PALMD: variants seen among roughly 807,000 people sequenced by gnomAD.
The protein encoded by PALMD is palmdelphin.
Under a neutral mutation model 56.2 loss-of-function variants are expected in PALMD, and 42 were observed. The observed-to-expected ratio is 0.75, with a 90% confidence interval of 0.58 to 0.97. The LOEUF (loss-of-function observed/expected upper bound fraction) is 0.97. Ranked by LOEUF, PALMD falls within the 50% of genes least tolerant of loss-of-function variation. The pLI is 0.00. For synonymous variants in PALMD, 242 were observed against 222.9 expected, an observed-to-expected ratio of 1.09 and a Z score of -0.76; for missense variants, 660 against 643.8, an observed-to-expected ratio of 1.03 and a Z score of -0.27.
intron 3 of PALMD, among the ~76,000 whole-genome samples, chr1:99,673,427 T>C (rs1377861065): frequency 2.6e-5 from 4 of 152,010 alleles, no homozygotes; most frequent in Non-Finnish European, 5.9e-5. Context: ...CTAACCCGTA[T>C]CTAATACCAC....
chr1:99,683,150 GA>G (rs200069840), intron 3 of PALMD: 1 of 114,156 alleles, frequency 8.8e-6, no homozygotes, highest in South Asian at 2.6e-4. Context: ...AAGAAAGAAA[GA>G]AAGAAAGAAA....
At position 99,678,314 on chromosome 1, in the gene PALMD, G is replaced by A. The variant is rs557154825; in HGVS notation, c.252-8362G>A. Among the ~76,000 whole-genome samples, 382 of 151,734 alleles carry A rather than the reference G, an allele frequency of 2.5e-3. 1 individual carries two copies. Among genetic ancestry groups the A allele is most frequent in the South Asian group, 7.7e-3 (37 of 4,786 alleles). On this transcript the variant is annotated intron_variant, in intron 3 of 7. Transcript: ENST00000263174. ...GAGACAAGGTTTCACCATGTTGGCC[G>A]GGCTGGTCTCGAACTCCTGATCTCA...
intron 1 of PALMD, among the ~76,000 whole-genome samples, chr1:99,655,764 TA>T (rs1196684619): frequency 2.0e-5 from 3 of 152,262 alleles, no homozygotes; most frequent in Non-Finnish European, 4.4e-5. Flanking sequence ...GATTTCGCTT[TA>T]GACATTTTTG....
chr1:99,689,821 C>G lies in PALMD; in HGVS notation c.1561C>G (p.Pro521Ala), dbSNP rs1202240687. The change falls in exon 7 of 8, where the codon CCA (proline) becomes GCA (alanine). Residue 521 changes from proline to alanine, a missense_variant. Coordinates refer to ENST00000263174, the MANE Select transcript of PALMD (RefSeq NM_017734.5). The part of the protein sequence containing the change: ...ESLGSPVHHS[P>A]FDAQTTGDGT... ...CTTAGGCAGCCCTGTCCACCATTCCCCATTTGATGCTCAGACAACTGGAGA... is the reference window on the plus strand; with the variant it reads ...CTTAGGCAGCCCTGTCCACCATTCCGCATTTGATGCTCAGACAACTGGAGA... The G allele has an allele frequency of 1.9e-6, 3 of 1,612,816 alleles. No homozygotes were observed. The highest frequency in any genetic ancestry group is 1.7e-5 in the Admixed American group (1 of 59,892).
At chr1:99,670,164 C>T (rs2100863696) in intron 3 of PALMD, among the ~76,000 whole-genome samples, 1 of 152,324 alleles carries the variant, frequency 6.6e-6, no homozygotes, top group African/African-American at 2.4e-5. Context: ...CTATGTCCCC[C>T]TATTCTCTTT....
intron 2 of PALMD, among the ~76,000 whole-genome samples, chr1:99,664,492 A>G (rs1652917735): frequency 6.6e-6 from 1 of 152,208 alleles, no homozygotes; most frequent in Admixed American, 6.5e-5. Context: ...GGTAACTGAT[A>G]CATAAACTCA....
chr1:99,691,889 C>A (rs1050773696), intron 7 of PALMD, among the ~76,000 whole-genome samples: 2 of 152,022 alleles, frequency 1.3e-5, no homozygotes, highest in Non-Finnish European at 2.9e-5. Flanking sequence ...AATACCTTAT[C>A]TAAGAGCAAT....
At chr1:99,678,152 A>G (rs975234932) in intron 3 of PALMD, among the ~76,000 whole-genome samples, 1 of 147,638 alleles carries the variant, frequency 6.8e-6, no homozygotes, top group African/African-American at 2.5e-5. Context: ...TCTGTCACCC[A>G]GGCTGGAGTG....
intron 3 of PALMD, chr1:99,669,180 A>G (rs1653032144): frequency 6.6e-6 from 1 of 152,214 alleles, no homozygotes; most frequent in Non-Finnish European, 1.5e-5. Flanking sequence ...TACTTGATTA[A>G]TTACATGCAC....
At chr1:99,688,647 A>G (rs1653581920) in intron 6 of PALMD, 128 bp from the exon 7 acceptor site, 1 of 624,016 alleles carries the variant, frequency 1.6e-6, no homozygotes, top group Non-Finnish European at 2.7e-6. Context: ...AGAAATTTAA[A>G]AAATAGACAA....
At chr1:99,662,060 G>A (rs943967291) in intron 1 of PALMD, among the ~76,000 whole-genome samples, 1 of 152,088 alleles carries the variant, frequency 6.6e-6, no homozygotes, top group African/African-American at 2.4e-5. Flanking sequence ...AGACTAATGG[G>A]GAAGAAGGAA....
intron 3 of PALMD, chr1:99,685,433 T>G (rs1653462659): frequency 6.6e-6 from 1 of 152,200 alleles, no homozygotes; most frequent in Admixed American, 6.5e-5. Flanking sequence ...GTTCAGTCAC[T>G]TCTAAGAAAC....
chr1:99,667,735 C>G lies in PALMD; in HGVS notation c.220C>G (p.Gln74Glu). The change falls in exon 3 of 8, where the codon CAG (glutamine) becomes GAG (glutamate). Residue 74 changes from glutamine to glutamate, a missense_variant. Gln to Glu is a conservative substitution (Grantham distance 29, BLOSUM62 2). Coordinates refer to ENST00000263174, the MANE Select transcript of PALMD (RefSeq NM_017734.5). ...GAAGCAAAATCAACAAGACCAGCACCAGATCCAGGTTCTAGAACAAAGTAT... is the reference window on the plus strand; with the variant it reads ...GAAGCAAAATCAACAAGACCAGCACGAGATCCAGGTTCTAGAACAAAGTAT... ...MKKQNQQDQH[Q>E]IQVLEQSILR... The G allele has an allele frequency of 1.2e-6, 2 of 1,613,552 alleles. No homozygotes were observed. The highest frequency in any genetic ancestry group is 8.5e-7 in the Non-Finnish European group (1 of 1,179,620).
rs763922888 is a variant in PALMD at position 99,689,601 on chromosome 1, T to C, written c.1341T>C (p.Ile447=). The C allele has an allele frequency of 6.2e-7, 1 of 1,613,720 alleles. No individual in the cohort carries two copies. The highest frequency in any genetic ancestry group is 8.5e-7 in the Non-Finnish European group (1 of 1,179,798). Residue 447 remains isoleucine (I), a synonymous_variant, in exon 7 of 8, where the codon ATT becomes ATC. Transcript: ENST00000263174. The part of the protein sequence containing the change: ...DGIIHAELVV[I]DDEEEEDEGE... ...TCATCCATGCTGAGCTGGTTGTGAT[T>C]GATGATGAGGAGGAGGAGGATGAAG... is the stretch of plus-strand genomic sequence containing the variant.
intron 3 of PALMD, among the ~76,000 whole-genome samples, chr1:99,675,660 C>T (rs1447568820): frequency 6.6e-6 from 1 of 152,224 alleles, no homozygotes; most frequent in Non-Finnish European, 1.5e-5. Context: ...CATATCACAT[C>T]AACCTTGAGA....
intron 6 of PALMD, among the ~76,000 whole-genome samples, 166 bp downstream of exon 6, chr1:99,687,355 T>G (rs1330235810): frequency 6.6e-6 from 1 of 152,130 alleles, no homozygotes; most frequent in African/African-American, 2.4e-5. Context: ...ATAATGAGGG[T>G]ATAATAATAG....
chr1:99,686,191 G>A (rs1184139918), intron 3 of PALMD: 1 of 152,104 alleles, frequency 6.6e-6, no homozygotes, highest in Non-Finnish European at 1.5e-5. Context: ...GGTAGAATAT[G>A]CAAGAATTTT....
At chr1:99,692,591 C>T (rs1653672745) in intron 7 of PALMD, among the ~76,000 whole-genome samples, 1 of 152,152 alleles carries the variant, frequency 6.6e-6, no homozygotes, top group South Asian at 2.1e-4. Flanking sequence ...CTCTAGCAAA[C>T]TTCTCTGAAT....
At chr1:99,673,232 TGTTACTG>T (rs946625553) in intron 3 of PALMD, among the ~76,000 whole-genome samples, 2 of 152,202 alleles carry the variant, frequency 1.3e-5, no homozygotes, top group Non-Finnish European at 2.9e-5. Context: ...TAAATTTTTT[TGTTACTG>T]GTTATCATTT....
Sources: gnomAD v4.1 joint callset for allele counts (sites outside exome capture counted in the v4.1 genomes callset) on GRCh38, gnomAD v4.1.1 for gene constraint, MANE v1.5 for transcripts, NCBI Gene and HGNC (gene_info 2026-07-23, HGNC 2026-07-21) for gene names.